Variants in PPRC1 observed in about 807,000 individuals in gnomAD.
PPRC1 encodes the protein peroxisome proliferator-activated receptor gamma coactivator-related protein 1.
In PPRC1, 23 loss-of-function variants were observed where a neutral mutation model predicts 132.5. That is an observed-to-expected ratio of 0.17 (90% CI 0.12 to 0.25). The LOEUF is 0.25. Ranked by LOEUF, PPRC1 falls within the 10% of genes least tolerant of loss-of-function variation. The probability of loss-of-function intolerance (pLI) is 1.00; values close to 1 mark genes in which losing one functional copy is unlikely to be tolerated. For synonymous variants in PPRC1, 872 were observed against 833.5 expected, an observed-to-expected ratio of 1.05 and a Z score of -0.80; for missense variants, 2,006 against 2,089.1, an observed-to-expected ratio of 0.96 and a Z score of 0.78.
the PPRC1 span, chr10:102,120,045 G>T: frequency 7.1e-7 from 1 of 1,404,772 alleles, no homozygotes; most frequent in Non-Finnish European, 9.5e-7. Context: ...CGCAGGGACG[G>T]CTGGGCAGGA....
chr10:102,139,170 A>C lies in PPRC1; in HGVS notation c.662A>C (p.Lys221Thr), dbSNP rs745622745. Reference sequence around the variant, plus strand: ...TCTTTCTTAGAGACCTCTTCCCCCAAGCTTCCTAGCTGGAGACCCCCAAGA... The same window carrying C: ...TCTTTCTTAGAGACCTCTTCCCCCACGCTTCCTAGCTGGAGACCCCCAAGA... ...PPSFLETSSP[K>T]LPSWRPPRSR... Residue 221 changes from lysine (K) to threonine (T), a missense_variant, in exon 5 of 14, where the codon AAG becomes ACG. Physicochemically the swap from Lys to Thr is moderately conservative, Grantham distance 78 (BLOSUM62 -1). Coordinates refer to ENST00000278070, the MANE Select transcript of PPRC1 (RefSeq NM_015062.5). 6.2e-7 allele frequency: 1 copy of C among 1,613,684 alleles called. No homozygotes were observed. The highest frequency in any genetic ancestry group is 8.5e-7 in the Non-Finnish European group (1 of 1,179,730).
the PPRC1 span, among the ~76,000 whole-genome samples, chr10:102,123,765 C>T: frequency 2.0e-5 from 3 of 151,614 alleles, no homozygotes; most frequent in African/African-American, 7.3e-5. Context: ...ATCTCCCAAC[C>T]TCAGGTGATC....
At chr10:102,146,554 A>C in intron 8 of PPRC1, 118 bp from the exon 9 acceptor site, 2 of 1,406,802 alleles carry the variant, frequency 1.4e-6, no homozygotes, top group Non-Finnish European at 1.9e-6. Flanking sequence ...TGGGCTGCTT[A>C]CCTTGCTTGG....
the PPRC1 span, among the ~76,000 whole-genome samples, chr10:102,120,687 G>A: frequency 1.1e-4 from 16 of 152,196 alleles, no homozygotes; most frequent in Middle Eastern, 3.2e-3. Context: ...AGGAGACGGA[G>A]GCAGAGACCC....
Position 102,141,880 on chromosome 10 carries a change from A to G in PPRC1, c.3372A>G (p.Pro1124=), listed in dbSNP as rs1215763855. 2.5e-6 allele frequency: 4 copies of G among 1,614,126 alleles called. No homozygotes were observed. The South Asian group carries it at 4.4e-5, about 18-fold the overall frequency. The part of the protein sequence containing the change: ...PLPATKAVPT[P]RQSTVPKLPA... ...CTGCTACCAAGGCTGTTCCCACACC[A>G]AGGCAGAGCACTGTCCCCAAGCTGC... The change falls in exon 5 of 14, where the codon CCA becomes CCG. Residue 1124 remains proline (P), a synonymous_variant. Transcript: ENST00000278070.
Position 102,148,847 on chromosome 10 carries a change from A to C in PPRC1, c.4648A>C (p.Ile1550Leu), listed in dbSNP as rs376763672. Residue 1550 changes from isoleucine to leucine, a missense_variant, in exon 12 of 14, where the codon ATA becomes CTA. Transcript: ENST00000278070. This position sits in a 1 kb window ranked among gnomAD's most constrained non-coding sequence, Gnocchi z 4.2. ...AAGAAGGGTGGTCTTCATTGGAAAG[A>C]TACCTGGCCGCATGACTCGATCAGA... ...EERRVVFIGKIPGRMTRSELK... is the reference protein window; with the variant it reads ...EERRVVFIGKLPGRMTRSELK... 149 of 1,614,042 alleles carry C rather than the reference A, an allele frequency of 9.2e-5. No individual in the cohort carries two copies. Among genetic ancestry groups the C allele is most frequent in the Non-Finnish European group, 1.2e-4 (140 of 1,180,050 alleles).
upstream of PPRC1, among the ~76,000 whole-genome samples, chr10:102,131,405 AAG>A: frequency 6.6e-6 from 1 of 152,104 alleles, no homozygotes; most frequent in African/African-American, 2.4e-5. Context: ...AAAAAAAAGA[AAG>A]AACATCTAAG....
intron 6 of PPRC1, 118 bp downstream of exon 6, chr10:102,143,216 C>A: frequency 1.1e-6 from 1 of 877,606 alleles, no homozygotes; most frequent in South Asian, 1.6e-5. Flanking sequence ...TGGAGCAGAC[C>A]CCTAATTGGA....
At chr10:102,145,821 C>T (rs1318767501) in intron 8 of PPRC1, among the ~76,000 whole-genome samples, 3 of 151,462 alleles carry the variant, frequency 2.0e-5, no homozygotes, top group Non-Finnish European at 4.4e-5. Flanking sequence ...GCTGAGATTG[C>T]GCCACTGCCC....
chr10:102,131,578 A>G (rs986939645), upstream of PPRC1, among the ~76,000 whole-genome samples: 11 of 152,238 alleles, frequency 7.2e-5, no homozygotes, highest in Admixed American at 4.6e-4. Context: ...GATTGCACAA[A>G]AGTGCAAAGG....
chr10:102,142,998 A>G (rs568987702), intron 5 of PPRC1, 47 bp from the exon 6 acceptor site: 1 of 1,544,128 alleles, frequency 6.5e-7, no homozygotes, highest in Non-Finnish European at 8.9e-7. Context: ...CCTGTGTACT[A>G]AGTTGATAGG....
chr10:102,133,670 G>C (rs1363031093), intron 1 of PPRC1, among the ~76,000 whole-genome samples: 1 of 151,948 alleles, frequency 6.6e-6, no homozygotes, highest in African/African-American at 2.4e-5. Flanking sequence ...CTGGTGGAGG[G>C]GGGCGCAGGC....
chr10:102,121,345 G>T, the PPRC1 span, among the ~76,000 whole-genome samples: 1 of 152,152 alleles, frequency 6.6e-6, no homozygotes, highest in East Asian at 1.9e-4. Context: ...GTCCTTTGAG[G>T]GCTTCGGAGA....
Position 102,135,114 on chromosome 10 carries a change from G to A in PPRC1, c.153+1893G>A, listed in dbSNP as rs1206689615. 2.0e-5 allele frequency among the ~76,000 whole-genome samples: 3 copies of A among 152,328 alleles called. No homozygotes were observed. The East Asian group carries it at 5.8e-4, about 29-fold the overall frequency. ...AGACCGATGATAAATAATAATGAATGAGACAAAAGTGCAGGATATTTGGGA... is the reference window on the plus strand; with the variant it reads ...AGACCGATGATAAATAATAATGAATAAGACAAAAGTGCAGGATATTTGGGA... On this transcript the variant is annotated intron_variant, in intron 1 of 13. Coordinates refer to ENST00000278070, the MANE Select transcript of PPRC1 (RefSeq NM_015062.5).
In PPRC1 at chr10:102,141,001, T is replaced by A. The variant is rs759254332; in HGVS notation, c.2493T>A (p.Pro831=). ...GTCCCAGCCCTGCTTCTCCTAGTCCTGAGCCACCTGTAAGCAAACCTGTGG... is the reference window on the plus strand; with the variant it reads ...GTCCCAGCCCTGCTTCTCCTAGTCCAGAGCCACCTGTAAGCAAACCTGTGG... The part of the protein sequence containing the change: ...PVGPSPASPS[P]EPPVSKPVAS... The change falls in exon 5 of 14, where the codon CCT becomes CCA. Residue 831 remains proline, a synonymous_variant. Transcript: ENST00000278070. 23 of 1,614,010 alleles carry A rather than the reference T, an allele frequency of 1.4e-5. No individual in the cohort carries two copies. Among genetic ancestry groups the A allele is most frequent in the Non-Finnish European group, 1.9e-5 (23 of 1,180,040 alleles).
intron 7 of PPRC1, 82 bp from the exon 8 acceptor site, chr10:102,144,938 T>G: frequency 7.2e-6 from 4 of 553,070 alleles, no homozygotes; most frequent in Non-Finnish European, 1.3e-5. Context: ...ACCCACCCCC[T>G]CCCATTGATT....
the PPRC1 span, among the ~76,000 whole-genome samples, chr10:102,127,804 G>A: frequency 4.0e-5 from 6 of 150,622 alleles, no homozygotes; most frequent in Non-Finnish European, 5.9e-5. Context: ...TGCCCATCTC[G>A]GCCTCCCAAA....
At position 102,148,089 on chromosome 10, in the gene PPRC1, C is replaced by A. The variant is rs1406674862; in HGVS notation, c.4401-283C>A. On this transcript the variant is annotated intron_variant, in intron 9 of 13. Transcript: ENST00000278070. This position sits in a 1 kb window ranked among gnomAD's most constrained non-coding sequence, Gnocchi z 4.2. The stretch of plus-strand genomic sequence containing the variant: ...TCTCCCTGAGTCTCCATTTATTGTT[C>A]TTCCTCTTTCTGATTTGTTAAATAT... Among the ~76,000 whole-genome samples, 1 of 152,122 alleles carries A rather than the reference C, an allele frequency of 6.6e-6. No homozygotes were observed. The highest frequency in any genetic ancestry group is 1.5e-5 in the Non-Finnish European group (1 of 68,012).
rs772574775 is a variant in PPRC1, at chr10:102,149,949, C to T, written c.4915C>T (p.Pro1639Ser). ...DLDSNREDFD[P>S]APVKSKFDSL... ...AGACTCCAACCGGGAAGACTTTGACCCAGCACCTGTAAAGAGCAAATTTGA... is the reference window on the plus strand; with the variant it reads ...AGACTCCAACCGGGAAGACTTTGACTCAGCACCTGTAAAGAGCAAATTTGA... The change falls in exon 14 of 14, where the codon CCA (proline) becomes TCA (serine). Residue 1639 changes from proline to serine, a missense_variant. Physicochemically the swap from Pro to Ser is moderately conservative, Grantham distance 74 (BLOSUM62 -1). This residue lies in a region of PPRC1 where 92 missense variants were observed against 171.9 expected (regional missense o/e 0.54). Coordinates refer to ENST00000278070, the MANE Select transcript of PPRC1 (RefSeq NM_015062.5). The T allele has an allele frequency of 6.2e-7, 1 of 1,613,166 alleles. No homozygotes were observed. Among genetic ancestry groups the T allele is most frequent in the Non-Finnish European group, 8.5e-7 (1 of 1,179,234 alleles).
Sources: gnomAD v4.1 joint callset for allele counts (sites outside exome capture counted in the v4.1 genomes callset) on GRCh38, gnomAD v4.1.1 for gene constraint, gnomAD v4.1.1 regional missense constraint, Gnocchi (gnomAD v3.1) non-coding constraint, MANE v1.5 for transcripts, NCBI Gene and HGNC (gene_info 2026-07-23, HGNC 2026-07-21) for gene names.